The following VOPP1 variants were observed in gnomAD, a reference collection of about 807,000 sequenced individuals.
VOPP1 encodes WW domain binding protein VOPP1.
VOPP1 carries 8 observed loss-of-function variants against 23.5 expected under a neutral mutation model. The ratio of observed to expected loss-of-function variants is 0.34; its 90% CI spans 0.20 to 0.61. The LOEUF (loss-of-function observed/expected upper bound fraction) is 0.61. VOPP1 is among the 20% of genes least tolerant of loss of function. VOPP1 has a pLI of 0.78. For missense variants in VOPP1, 174 were observed against 238.1 expected, an observed-to-expected ratio of 0.73 and a Z score of 1.77; for synonymous variants, 83 against 97.3, an observed-to-expected ratio of 0.85 and a Z score of 0.86.
chr7:55,447,454 G>T (rs1397069731), intron 4 of VOPP1, among the ~76,000 whole-genome samples: 1 of 152,204 alleles, frequency 6.6e-6, no homozygotes, highest in Admixed American at 6.5e-5. Flanking sequence ...AACAATAGGT[G>T]AGGTCTGTAT....
chr7:55,478,535 T>C (rs1469271480), intron 4 of VOPP1, among the ~76,000 whole-genome samples: 4 of 152,008 alleles, frequency 2.6e-5, no homozygotes, highest in Non-Finnish European at 5.9e-5. Flanking sequence ...AATGGTATTC[T>C]CTCCCAAGGA....
chr7:55,549,664 C>T (rs1227529235), intron 1 of VOPP1, among the ~76,000 whole-genome samples: 1 of 152,198 alleles, frequency 6.6e-6, no homozygotes, highest in Non-Finnish European at 1.5e-5. Flanking sequence ...ACCCTGGGAA[C>T]AGAAACAAGC....
downstream of VOPP1, among the ~76,000 whole-genome samples, chr7:55,434,986 A>G (rs932874235): frequency 2.6e-5 from 4 of 152,200 alleles, no homozygotes; most frequent in Admixed American, 2.0e-4. Flanking sequence ...CTGTTGCTTC[A>G]TTTGCTAAAT....
intron 1 of VOPP1, chr7:55,521,439 G>A (rs777750213): frequency 5.3e-6 from 4 of 752,742 alleles, no homozygotes; most frequent in Non-Finnish European, 6.9e-6. Flanking sequence ...TGATACTTCA[G>A]ATTACAAAAG....
chr7:55,460,718 A>G (rs577385098), intron 4 of VOPP1, among the ~76,000 whole-genome samples: 3 of 152,364 alleles, frequency 2.0e-5, no homozygotes, highest in African/African-American at 7.2e-5. Flanking sequence ...CATTTGTCAT[A>G]TATAATGACC....
At chr7:55,526,152 T>C (rs1796180646) in intron 1 of VOPP1, among the ~76,000 whole-genome samples, 1 of 152,132 alleles carries the variant, frequency 6.6e-6, no homozygotes, top group African/African-American at 2.4e-5. Flanking sequence ...AACATACAAC[T>C]TACAAACTAT....
intron 4 of VOPP1, among the ~76,000 whole-genome samples, chr7:55,479,465 T>G (rs781121505): frequency 3.3e-5 from 5 of 152,164 alleles, no homozygotes; most frequent in Admixed American, 6.5e-5. Flanking sequence ...AGGTTGTATC[T>G]GTTCATTTTG....
chr7:55,513,208 C>G (rs1795193317), intron 2 of VOPP1, among the ~76,000 whole-genome samples: 1 of 152,082 alleles, frequency 6.6e-6, no homozygotes, highest in Admixed American at 6.6e-5. Context: ...TCCTCCAGGA[C>G]AGGCCCTGCC....
At chr7:55,485,783 C>A (rs1793094666) in intron 4 of VOPP1, among the ~76,000 whole-genome samples, 1 of 152,244 alleles carries the variant, frequency 6.6e-6, no homozygotes, top group Admixed American at 6.5e-5. Flanking sequence ...GGGCTGCAGA[C>A]CTCATTGCAA....
chr7:55,489,273 C>T (rs1793380605), intron 4 of VOPP1, among the ~76,000 whole-genome samples: 1 of 152,234 alleles, frequency 6.6e-6, no homozygotes, highest in Non-Finnish European at 1.5e-5. Context: ...GGATCAGCCA[C>T]ACCGTTGCAG....
chr7:55,521,757 G>C, intron 1 of VOPP1: 2 of 986,720 alleles, frequency 2.0e-6, no homozygotes, highest in Non-Finnish European at 2.4e-6. Flanking sequence ...GGCAGGGCAG[G>C]GTGGGTGAGT....
chr7:55,541,442 T>C (rs1450503915), intron 1 of VOPP1, among the ~76,000 whole-genome samples: 1 of 152,174 alleles, frequency 6.6e-6, no homozygotes, highest in African/African-American at 2.4e-5. Context: ...AATATGACTA[T>C]AATAAAAAAG....
At chr7:55,451,236 C>T (rs559723286) in intron 4 of VOPP1, among the ~76,000 whole-genome samples, 1 of 152,342 alleles carries the variant, frequency 6.6e-6, no homozygotes, top group South Asian at 2.1e-4. Context: ...CACTTCCGCA[C>T]AGCCCATCTG....
intron 4 of VOPP1, among the ~76,000 whole-genome samples, chr7:55,439,457 G>A (rs1374560625): frequency 1.3e-5 from 2 of 152,180 alleles, no homozygotes; most frequent in African/African-American, 4.8e-5. Flanking sequence ...AGGACAAAGA[G>A]AGTCACAGCT....
intron 1 of VOPP1, among the ~76,000 whole-genome samples, chr7:55,531,896 CA>C (rs1421634441): frequency 2.0e-5 from 3 of 152,150 alleles, no homozygotes; most frequent in Non-Finnish European, 4.4e-5. Context: ...CCAGCAGATC[CA>C]AAACTCAACC....
intron 1 of VOPP1, among the ~76,000 whole-genome samples, chr7:55,542,377 T>G (rs1001755058): frequency 6.6e-6 from 1 of 152,230 alleles, no homozygotes; most frequent in Non-Finnish European, 1.5e-5. Flanking sequence ...AACTGTATTT[T>G]CATCCCCAAC....
intron 2 of VOPP1, among the ~76,000 whole-genome samples, chr7:55,503,066 G>A (rs565723045): frequency 6.6e-6 from 1 of 152,332 alleles, no homozygotes; most frequent in African/African-American, 2.4e-5. Flanking sequence ...TGTTAGCCAA[G>A]TATTCCTTAC....
intron 4 of VOPP1, among the ~76,000 whole-genome samples, chr7:55,455,826 G>GT (rs1160367216): frequency 1.3e-5 from 2 of 152,110 alleles, no homozygotes; most frequent in Non-Finnish European, 2.9e-5. Flanking sequence ...ATACTTAAAC[G>GT]TAAGACCTAA....
chr7:55,475,162 G>A (rs1045030800), intron 4 of VOPP1, among the ~76,000 whole-genome samples: 3 of 152,214 alleles, frequency 2.0e-5, no homozygotes, highest in Admixed American at 6.5e-5. Flanking sequence ...TTGCGCATAT[G>A]GGCAGGGGTA....
Sources: gnomAD v4.1 joint callset for allele counts (sites outside exome capture counted in the v4.1 genomes callset) on GRCh38, gnomAD v4.1.1 for gene constraint, MANE v1.5 for transcripts, NCBI Gene and HGNC (gene_info 2026-07-23, HGNC 2026-07-21) for gene names.